The following TP63 variants were observed in gnomAD, a reference collection of about 807,000 sequenced individuals.
TP63 encodes tumor protein 63.
A neutral mutation model predicts 82.8 loss-of-function variants in TP63; 17 were observed. The observed-to-expected ratio is 0.21, with a 90% CI of 0.14 to 0.31. The LOEUF is 0.31. Among genes scored for constraint, TP63 ranks in the 10% least tolerant of loss-of-function variants. The pLI is 1.00. For synonymous variants in TP63, 330 were observed against 321.7 expected (o/e 1.03, Z -0.28); for missense variants, 648 against 895.3 (o/e 0.72, Z 3.52).
chr3:189,748,175 G>A lies in TP63; in HGVS notation c.324+9401G>A, dbSNP rs141715015. Among the ~76,000 whole-genome samples the A allele has an allele frequency of 5.3e-5, 8 of 151,920 alleles. No homozygotes were observed. In the East Asian group the frequency reaches 7.8e-4, roughly 15 times the overall value. ...ACTTCTAGTTCTCCTATTTAACATC[G>A]TACTGAAAAGTCCTAGTCAGAGTAA... On this transcript the variant is annotated intron_variant, in intron 3 of 13. Coordinates refer to ENST00000264731, the MANE Select transcript of TP63 (RefSeq NM_003722.5).
intron 1 of TP63, among the ~76,000 whole-genome samples, chr3:189,635,358 G>A (rs1047449688): frequency 6.6e-5 from 10 of 152,090 alleles, no homozygotes; most frequent in Non-Finnish European, 1.2e-4. Flanking sequence ...TCATTTGTAA[G>A]TTAAAATCAC....
At chr3:189,616,270 A>G in the TP63 span, among the ~76,000 whole-genome samples, 1 of 152,236 alleles carries the variant, frequency 6.6e-6, no homozygotes, top group South Asian at 2.1e-4. Context: ...AAGATTTATT[A>G]TGATATCCAG....
chr3:189,840,759 G>A (rs932609090), intron 4 of TP63, among the ~76,000 whole-genome samples: 1 of 150,664 alleles, frequency 6.6e-6, no homozygotes, highest in Admixed American at 6.7e-5. Flanking sequence ...TCGGGAGCCT[G>A]AGGCAGAGAA....
At chr3:189,750,145 G>T (rs981916777) in intron 3 of TP63, among the ~76,000 whole-genome samples, 9 of 146,784 alleles carry the variant, frequency 6.1e-5, no homozygotes, top group Non-Finnish European at 1.3e-4. Context: ...AAAAAAAAAA[G>T]GAATGAAATA....
chr3:189,836,573 G>C (rs1465807819), intron 4 of TP63, among the ~76,000 whole-genome samples: 1 of 152,114 alleles, frequency 6.6e-6, no homozygotes, highest in African/African-American at 2.4e-5. Context: ...GTACTATCCT[G>C]CTAATTTGGT....
chr3:189,717,516 A>G (rs1053579005), intron 1 of TP63, among the ~76,000 whole-genome samples: 1 of 152,240 alleles, frequency 6.6e-6, no homozygotes, highest in Non-Finnish European at 1.5e-5. Flanking sequence ...TACTGTTTTC[A>G]TATAGCTATA....
chr3:189,694,921 T>G (rs985943299), intron 1 of TP63, among the ~76,000 whole-genome samples: 2 of 146,428 alleles, frequency 1.4e-5, no homozygotes, highest in Non-Finnish European at 3.0e-5. Context: ...TTCTCCTGCC[T>G]CAGCCTCCTG....
intron 1 of TP63, among the ~76,000 whole-genome samples, chr3:189,736,223 T>TGAGAG (rs1720583839): frequency 6.6e-6 from 1 of 151,212 alleles, no homozygotes; most frequent in Non-Finnish European, 1.5e-5. Flanking sequence ...TCTGTCTCTC[T>TGAGAG]CACCATAAGT....
At chr3:189,707,122 G>A (rs920744045) in intron 1 of TP63, among the ~76,000 whole-genome samples, 2 of 152,168 alleles carry the variant, frequency 1.3e-5, no homozygotes, top group African/African-American at 4.8e-5. Flanking sequence ...ATTTTTAATA[G>A]TACAGTTTTA....
rs562807775 is a variant in TP63, at chr3:189,891,716, CCTG to C, written c.1746+837_1746+839del. On this transcript the variant is annotated intron_variant, in intron 13 of 13. Transcript: ENST00000264731. ...TGCTTCCTACTCCACTTTTTGAACT[CCTG>C]CTCACACGGGAGCTAGTGTTGCTCT... 8.9e-4 allele frequency among the ~76,000 whole-genome samples: 136 copies of C among 152,270 alleles called. 1 individual carries two copies. The highest frequency in any genetic ancestry group is 3.1e-3 in the African/African-American group (127 of 41,546).
chr3:189,686,953 A>T (rs771124586), intron 1 of TP63, among the ~76,000 whole-genome samples: 4 of 151,140 alleles, frequency 2.6e-5, no homozygotes, highest in Non-Finnish European at 4.4e-5. Context: ...CTGGTCTTGA[A>T]CTCCTGACCT....
At chr3:189,665,929 A>G (rs557031005) in intron 1 of TP63, among the ~76,000 whole-genome samples, 2 of 152,120 alleles carry the variant, frequency 1.3e-5, no homozygotes, top group African/African-American at 4.8e-5. Context: ...CTGGGTCAAC[A>G]TGAAATGCAA....
At chr3:189,749,504 C>T (rs1560155406) in intron 3 of TP63, among the ~76,000 whole-genome samples, 1 of 152,042 alleles carries the variant, frequency 6.6e-6, no homozygotes, top group African/African-American at 2.4e-5. Flanking sequence ...CATCTTATGC[C>T]AGTTAGTTTA....
At chr3:189,621,143 A>G in the TP63 span, among the ~76,000 whole-genome samples, 3 of 152,202 alleles carry the variant, frequency 2.0e-5, no homozygotes, top group Admixed American at 6.5e-5. Context: ...TGACTGTGCA[A>G]AATTTGAAAA....
At chr3:189,874,162 C>T (rs115960078) in intron 10 of TP63, among the ~76,000 whole-genome samples, 7,836 of 152,132 alleles carry the variant, frequency 0.052, 255 homozygotes, top group Non-Finnish European at 0.075. Flanking sequence ...CTCTGCCTAG[C>T]GGGTTCAAGT....
At chr3:189,801,908 G>A (rs908772193) in intron 3 of TP63, among the ~76,000 whole-genome samples, 6 of 152,190 alleles carry the variant, frequency 3.9e-5, no homozygotes, top group Admixed American at 3.3e-4. Flanking sequence ...AACAAAATGA[G>A]TGACATATTT....
chr3:189,744,202 C>T (rs1721205259), intron 3 of TP63, among the ~76,000 whole-genome samples: 1 of 152,170 alleles, frequency 6.6e-6, no homozygotes, highest in South Asian at 2.1e-4. Flanking sequence ...GTAGCAGTGA[C>T]ACATTTTCAT....
chr3:189,791,706 G>C (rs1397324822), intron 3 of TP63, among the ~76,000 whole-genome samples: 2 of 152,058 alleles, frequency 1.3e-5, no homozygotes. Flanking sequence ...GCATGTATTA[G>C]GTTATAATTT....
chr3:189,890,937 T>C (rs1577206544), intron 13 of TP63, 55 bp downstream of exon 13: 1 of 1,553,872 alleles, frequency 6.4e-7, no homozygotes, highest in East Asian at 2.2e-5. Flanking sequence ...TTTCCTCTGA[T>C]GACAACCGCC....
Sources: allele counts gnomAD v4.1 joint callset (sites outside exome capture counted in the v4.1 genomes callset), GRCh38; gene constraint gnomAD v4.1.1; transcripts MANE v1.5; gene names NCBI Gene and HGNC (gene_info 2026-07-23, HGNC 2026-07-21).